Variants in MCUB observed in about 807,000 individuals in gnomAD.
MCUB encodes calcium uniporter regulatory subunit MCUb, mitochondrial.
MCUB carries 46 observed loss-of-function variants against 41.4 expected under a neutral mutation model. The observed-to-expected ratio is 1.11, with a 90% CI of 0.88 to 1.42. MCUB has a LOEUF of 1.42. Ranked by LOEUF, MCUB falls within the 40% of genes most tolerant of loss-of-function variation. The probability of loss-of-function intolerance (pLI) is 0.00; values close to 1 mark genes in which losing one functional copy is unlikely to be tolerated. For missense variants in MCUB, 403 were observed against 404.9 expected (o/e 1.00, Z 0.04); for synonymous variants, 148 against 148.2 (o/e 1.00, Z 0.01).
chr4:109,591,025 T>C (rs1400075724), intron 1 of MCUB, among the ~76,000 whole-genome samples: 2 of 152,146 alleles, frequency 1.3e-5, no homozygotes, highest in African/African-American at 2.4e-5. Flanking sequence ...GCTGTGTAAA[T>C]CTCCTCTCAA....
intron 1 of MCUB, among the ~76,000 whole-genome samples, chr4:109,633,596 A>G (rs1164263221): frequency 6.6e-6 from 1 of 152,306 alleles, no homozygotes; most frequent in East Asian, 1.9e-4. Flanking sequence ...TGAAACTATA[A>G]GTACATCACT....
At chr4:109,587,342 C>T (rs770239152) in intron 1 of MCUB, among the ~76,000 whole-genome samples, 4 of 152,182 alleles carry the variant, frequency 2.6e-5, no homozygotes, top group East Asian at 1.9e-4. Flanking sequence ...GAGAGTGTCC[C>T]GTTTTTCTGG....
At chr4:109,568,086 ATT>A (rs1726825010) in intron 1 of MCUB, among the ~76,000 whole-genome samples, 1 of 152,000 alleles carries the variant, frequency 6.6e-6, no homozygotes, top group African/African-American at 2.4e-5. Flanking sequence ...GGGAAAAATT[ATT>A]TTAGAGAGTG....
intron 1 of MCUB, among the ~76,000 whole-genome samples, chr4:109,604,065 CT>C (rs1213633312): frequency 3.9e-5 from 6 of 151,938 alleles, no homozygotes; most frequent in Non-Finnish European, 7.4e-5. Context: ...CCTTGGGATG[CT>C]GTTAATCTAT....
Position 109,664,333 on chromosome 4 carries a change from A to C in MCUB, c.390A>C (p.Leu130=). Residue 130 remains leucine (L), a synonymous_variant, in exon 4 of 8, where the codon CTA becomes CTC. Transcript: ENST00000394650. The stretch of plus-strand genomic sequence containing the variant: ...CTTCTACCTTGATGGATATTTTGCT[A>C]ATGAATGATTTTAAACTTGTCATTA... The part of the protein sequence containing the change: ...ISASTLMDIL[L]MNDFKLVINK... 1 of 1,587,306 alleles carries C rather than the reference A, an allele frequency of 6.3e-7. No individual in the cohort carries two copies. Among genetic ancestry groups the C allele is most frequent in the South Asian group, 1.1e-5 (1 of 90,462 alleles).
At chr4:109,578,407 G>A (rs1315000018) in intron 1 of MCUB, among the ~76,000 whole-genome samples, 2 of 151,976 alleles carry the variant, frequency 1.3e-5, no homozygotes, top group Non-Finnish European at 2.9e-5. Context: ...GAAAATTGAG[G>A]CCCAGAAAGG....
chr4:109,665,915 CAGTG>C (rs1163981912), intron 4 of MCUB, among the ~76,000 whole-genome samples: 3 of 146,174 alleles, frequency 2.1e-5, no homozygotes, highest in African/African-American at 7.6e-5. Flanking sequence ...AAATACTAAA[CAGTG>C]AGAGAGAGGA....
intron 4 of MCUB, among the ~76,000 whole-genome samples, chr4:109,666,570 C>T (rs1398932034): frequency 6.6e-6 from 1 of 152,118 alleles, no homozygotes; most frequent in Non-Finnish European, 1.5e-5. Context: ...TCTTCATACG[C>T]CTATTTGCCA....
intron 1 of MCUB, among the ~76,000 whole-genome samples, chr4:109,578,356 A>G (rs1041785679): frequency 6.6e-6 from 1 of 152,240 alleles, no homozygotes; most frequent in Non-Finnish European, 1.5e-5. Context: ...ACAATCTCAT[A>G]TAATTTCTAC....
rs146160577 is a variant in MCUB at position 109,684,521 on chromosome 4, C to T, written c.691C>T (p.Gln231Ter). ...GGCTGGATTGGCACTGCTGTCCATTCAGGGTGGGGCACTGGCCTGGCTCAC... is the reference window on the plus strand; with the variant it reads ...GGCTGGATTGGCACTGCTGTCCATTTAGGGTGGGGCACTGGCCTGGCTCAC... Reference protein sequence around the residue: ...LWAGLALLSIQGGALAWLTWW... With the variant: ...LWAGLALLSI Residue 231 changes from glutamine to a stop codon, truncating the protein, a stop_gained, in exon 6 of 8, where the codon CAG becomes TAG. Transcript: ENST00000394650. LOFTEE classifies it high-confidence loss of function. 3.1e-6 allele frequency: 5 copies of T among 1,613,748 alleles called. No homozygotes were observed. The highest frequency in any genetic ancestry group is 4.2e-6 in the Non-Finnish European group (5 of 1,179,820).
chr4:109,670,559 T>C (rs1306812396), intron 4 of MCUB, among the ~76,000 whole-genome samples: 2 of 151,752 alleles, frequency 1.3e-5, no homozygotes, highest in Non-Finnish European at 2.9e-5. Flanking sequence ...CTACTAAAAA[T>C]ACAAAAATTA....
intron 1 of MCUB, among the ~76,000 whole-genome samples, chr4:109,635,876 CTTA>C (rs974905637): frequency 1.3e-5 from 2 of 151,360 alleles, no homozygotes; most frequent in African/African-American, 4.9e-5. Context: ...CCAGTTTTTG[CTTA>C]TTATGTAAAA....
intron 1 of MCUB, among the ~76,000 whole-genome samples, chr4:109,649,851 C>T (rs774336915): frequency 1.5e-4 from 23 of 152,068 alleles, no homozygotes; most frequent in African/African-American, 4.6e-4. Context: ...TCGGATTACA[C>T]GCATGAGCCA....
intron 1 of MCUB, among the ~76,000 whole-genome samples, chr4:109,626,044 G>C (rs1037012811): frequency 6.6e-5 from 10 of 152,254 alleles, no homozygotes; most frequent in Non-Finnish European, 1.2e-4. Context: ...TCCTAGATTA[G>C]GGTTTCTGTT....
At chr4:109,599,355 G>T (rs80098948) in intron 1 of MCUB, among the ~76,000 whole-genome samples, 6,337 of 151,958 alleles carry the variant, frequency 0.042, 430 homozygotes, top group African/African-American at 0.14. Context: ...AACATCTTGG[G>T]AGTTATGAAG....
intron 1 of MCUB, among the ~76,000 whole-genome samples, chr4:109,604,327 C>A (rs1325441405): frequency 6.6e-6 from 1 of 152,084 alleles, no homozygotes; most frequent in Non-Finnish European, 1.5e-5. Context: ...CACTATTGTC[C>A]TGTGACCCTG....
chr4:109,650,164 T>C (rs947015325), intron 1 of MCUB, among the ~76,000 whole-genome samples: 3 of 152,190 alleles, frequency 2.0e-5, no homozygotes, highest in African/African-American at 7.2e-5. Flanking sequence ...CAGCTCTGCA[T>C]GCATGATGGG....
chr4:109,659,629 C>G (rs1368620053), intron 2 of MCUB, among the ~76,000 whole-genome samples: 4 of 152,044 alleles, frequency 2.6e-5, no homozygotes, highest in Non-Finnish European at 4.4e-5. Context: ...CTCAAGAAAA[C>G]TAGAACTTAA....
At chr4:109,611,938 G>T (rs1024152382) in intron 1 of MCUB, among the ~76,000 whole-genome samples, 5 of 152,204 alleles carry the variant, frequency 3.3e-5, no homozygotes, top group African/African-American at 1.2e-4. Flanking sequence ...AATTTCTCTT[G>T]ATCTCCTCGA....
Sources: gnomAD v4.1 joint callset for allele counts (sites outside exome capture counted in the v4.1 genomes callset) on GRCh38, gnomAD v4.1.1 for gene constraint, MANE v1.5 for transcripts, NCBI Gene and HGNC (gene_info 2026-07-23, HGNC 2026-07-21) for gene names.